ARMC8: variants seen among roughly 807,000 people sequenced by gnomAD.
ARMC8 encodes the protein armadillo repeat containing 8, also known as armadillo repeat-containing protein 8.
A neutral mutation model predicts 99.3 loss-of-function variants in ARMC8; 20 were observed. The observed-to-expected ratio is 0.20, with a 90% CI of 0.14 to 0.29. ARMC8 has a LOEUF of 0.29. ARMC8 is among the 10% of genes least tolerant of loss of function. The pLI is 1.00. For missense variants in ARMC8, 569 were observed against 809.5 expected (o/e 0.70, Z 3.60); for synonymous variants, 263 against 278.3 (o/e 0.95, Z 0.55).
intron 10 of ARMC8, among the ~76,000 whole-genome samples, chr3:138,239,838 C>A (rs1468505520): frequency 5.9e-5 from 9 of 152,088 alleles, no homozygotes; most frequent in Admixed American, 3.3e-4. Flanking sequence ...ATATTTCGTT[C>A]TTGATTGTCA....
chr3:138,188,444 T>C, intron 1 of ARMC8: 2 of 1,609,158 alleles, frequency 1.2e-6, no homozygotes, highest in Non-Finnish European at 1.7e-6. Flanking sequence ...ACTATGTTGC[T>C]CTTGAACCAG....
At chr3:138,228,783 C>A in intron 5 of ARMC8, 135 bp from the exon 6 acceptor site, 1 of 611,748 alleles carries the variant, frequency 1.6e-6, no homozygotes. Flanking sequence ...TTTTGTTTTG[C>A]ACTGTGCCTT....
At chr3:138,256,773 T>C (rs1418646359) in intron 12 of ARMC8, among the ~76,000 whole-genome samples, 1 of 152,196 alleles carries the variant, frequency 6.6e-6, no homozygotes, top group Non-Finnish European at 1.5e-5. Context: ...TATACTAATC[T>C]TTATTGGCCC....
At chr3:138,254,477 C>A (rs1035882888) in intron 12 of ARMC8, among the ~76,000 whole-genome samples, 3 of 152,118 alleles carry the variant, frequency 2.0e-5, no homozygotes, top group Non-Finnish European at 4.4e-5. Flanking sequence ...GGCACTGAAT[C>A]GTTCATGTGC....
In ARMC8 at chr3:138,295,984, G is replaced by A. The variant is rs1305407067; in HGVS notation, c.*92G>A. 7.0e-7 allele frequency: 1 copy of A among 1,424,014 alleles called. No individual in the cohort carries two copies. The highest frequency in any genetic ancestry group is 1.4e-5 in the African/African-American group (1 of 70,614). 88.2% of individuals were successfully genotyped at this position (1,424,014 alleles called of 1,614,324 possible). On this transcript the variant is annotated 3_prime_UTR_variant, in exon 22 of 22. Coordinates refer to ENST00000469044, the MANE Select transcript of ARMC8 (RefSeq NM_001363941.2). ...CATTTGATTCCTTCTATTTGCACAA[G>A]TCACCTTGGACTGCAGGGAGCTGTT...
rs974354797 is a variant in ARMC8, at chr3:138,296,931, G to C, written c.*1039G>C. On this transcript the variant is annotated 3_prime_UTR_variant, in exon 22 of 22. Transcript: ENST00000469044. ...ATGGAAACTTGTGCTCAAACTAAAA[G>C]TAGGTCATCACTTCCCAGAAACAGA... The C allele has an allele frequency of 3.3e-5, 5 of 152,170 alleles. No individual in the cohort carries two copies. Among genetic ancestry groups the C allele is most frequent in the Admixed American group, 3.3e-4 (5 of 15,270 alleles). 9.4% of individuals were successfully genotyped at this position (152,170 alleles called of 1,614,324 possible).
At chr3:138,226,516 T>C (rs2045705396) in intron 5 of ARMC8, among the ~76,000 whole-genome samples, 1 of 152,244 alleles carries the variant, frequency 6.6e-6, no homozygotes, top group African/African-American at 2.4e-5. Context: ...ACTCAGATGC[T>C]GCTGGTCTCA....
intron 18 of ARMC8, among the ~76,000 whole-genome samples, chr3:138,277,204 C>T (rs2049381696): frequency 6.6e-6 from 1 of 152,040 alleles, no homozygotes; most frequent in Admixed American, 6.6e-5. Flanking sequence ...AGAAAAGATG[C>T]TGTACAAGTG....
At chr3:138,255,449 G>A (rs1034147764) in intron 12 of ARMC8, among the ~76,000 whole-genome samples, 34 of 151,936 alleles carry the variant, frequency 2.2e-4, no homozygotes, top group East Asian at 3.9e-4. Context: ...TGATCCGCCC[G>A]CCTTGGCCTC....
intron 1 of ARMC8, among the ~76,000 whole-genome samples, chr3:138,194,739 A>G (rs1008890138): frequency 5.3e-5 from 8 of 151,818 alleles, no homozygotes; most frequent in African/African-American, 1.7e-4. Flanking sequence ...AGTTATAAGC[A>G]TATTGTTGGC....
intron 12 of ARMC8, among the ~76,000 whole-genome samples, chr3:138,259,058 C>T (rs946309966): frequency 3.3e-5 from 5 of 152,236 alleles, no homozygotes; most frequent in African/African-American, 9.6e-5. Flanking sequence ...TGGCATTGCT[C>T]TTACATCCTG....
intron 12 of ARMC8, among the ~76,000 whole-genome samples, chr3:138,255,857 A>G (rs1428082554): frequency 6.6e-6 from 1 of 152,150 alleles, no homozygotes; most frequent in Non-Finnish European, 1.5e-5. Context: ...GCATGCACCT[A>G]TAATCTCAGT....
intron 7 of ARMC8, among the ~76,000 whole-genome samples, chr3:138,235,773 A>G (rs1478526004): frequency 6.9e-6 from 1 of 144,704 alleles, no homozygotes; most frequent in African/African-American, 2.5e-5. Flanking sequence ...GTCCTCTTGC[A>G]GTGACTCCAT....
chr3:138,271,125 T>C (rs530899994), intron 16 of ARMC8, among the ~76,000 whole-genome samples: 1 of 152,204 alleles, frequency 6.6e-6, no homozygotes, highest in East Asian at 1.9e-4. Context: ...TGTGTTTTTA[T>C]ACAGACTTTA....
intron 14 of ARMC8, among the ~76,000 whole-genome samples, chr3:138,265,725 G>T (rs752096709): frequency 6.6e-6 from 1 of 152,056 alleles, no homozygotes; most frequent in Middle Eastern, 3.4e-3. Flanking sequence ...GACTCTAGTG[G>T]AGCAGTGGGA....
chr3:138,236,735 TA>T (rs773236078), intron 7 of ARMC8, among the ~76,000 whole-genome samples: 1,531 of 139,464 alleles, frequency 0.011, 19 homozygotes, highest in African/African-American at 0.034. Flanking sequence ...TGGAAAGAAT[TA>T]AAAAAAAAAA....
In ARMC8 at chr3:138,246,159, TGAAAAG is replaced by T. The variant is rs770181279; in HGVS notation, c.1134+980_1134+985del. The T allele has an allele frequency of 4.5e-4, 444 of 985,600 alleles. 1 individual carries two copies. Among genetic ancestry groups the T allele is most frequent in the Non-Finnish European group, 4.9e-4 (408 of 829,910 alleles). 61.1% of individuals were successfully genotyped at this position (985,600 alleles called of 1,614,324 possible). A position where few individuals can be genotyped will look rare whatever the true frequency, so the allele number is the denominator to read the frequency against. ...CAACCTTACATTTGTTGAAATAACT[TGAAAAG>T]GAACCATTTCTTGAAGAAACTGAAG... On this transcript the variant is annotated intron_variant, in intron 12 of 21. Coordinates refer to ENST00000469044, the MANE Select transcript of ARMC8 (RefSeq NM_001363941.2).
At position 138,228,965 on chromosome 3, in the gene ARMC8, C is replaced by T; in HGVS notation, c.483C>T (p.Arg161=). Reference sequence around the variant, plus strand: ...TCATGGCACTGCTTAGCAGGTCCCGCTATACCCAGGAGTACATCTGTCAGA... The same window carrying T: ...TCATGGCACTGCTTAGCAGGTCCCGTTATACCCAGGAGTACATCTGTCAGA... ...PHLMALLSRS[R]YTQEYICQIF... is the part of the protein sequence containing the mutation. Residue 161 remains arginine (R), a synonymous_variant, in exon 6 of 22, where the codon CGC becomes CGT. Coordinates refer to ENST00000469044, the MANE Select transcript of ARMC8 (RefSeq NM_001363941.2). 1 of 1,609,986 alleles carries T rather than the reference C, an allele frequency of 6.2e-7. No individual in the cohort carries two copies. The highest frequency in any genetic ancestry group is 8.5e-7 in the Non-Finnish European group (1 of 1,177,736).
intron 2 of ARMC8, among the ~76,000 whole-genome samples, chr3:138,213,160 T>A (rs781698849): frequency 7.9e-5 from 12 of 152,180 alleles, no homozygotes; most frequent in Non-Finnish European, 1.5e-4. Flanking sequence ...CAAAATCAAA[T>A]TAAAGATGAA....
Sources: gnomAD v4.1 joint callset for allele counts (sites outside exome capture counted in the v4.1 genomes callset) on GRCh38, gnomAD v4.1.1 for gene constraint, MANE v1.5 for transcripts, NCBI Gene and HGNC (gene_info 2026-07-23, HGNC 2026-07-21) for gene names.